SYAP1: variants seen among roughly 807,000 people sequenced by gnomAD.
SYAP1 encodes the protein synapse-associated protein 1.
SYAP1 carries 3 observed loss-of-function variants against 29.6 expected under a neutral mutation model. That is an observed-to-expected ratio of 0.10 (90% CI 0.05 to 0.26). The LOEUF (loss-of-function observed/expected upper bound fraction) is 0.26. Ranked by LOEUF, SYAP1 falls within the 10% of genes least tolerant of loss-of-function variation. The probability of loss-of-function intolerance (pLI) is 1.00; values close to 1 mark genes in which losing one functional copy is unlikely to be tolerated. For synonymous variants in SYAP1, 102 were observed against 102.7 expected, an observed-to-expected ratio of 0.99 and a Z score of 0.04; for missense variants, 217 against 264.1, an observed-to-expected ratio of 0.82 and a Z score of 1.24.
intron 4 of SYAP1, among the ~76,000 whole-genome samples, chrX:16,742,587 C>T (rs917063513): frequency 3.6e-5 from 4 of 111,546 alleles, no homozygotes; most frequent in Non-Finnish European, 7.5e-5. Context: ...CATGCGCTGC[C>T]AAAATTTTTA....
chrX:16,743,659 A>T, intron 4 of SYAP1, 42 bp from the exon 5 acceptor site: 2 of 1,172,568 alleles, frequency 1.7e-6, no homozygotes, highest in Admixed American at 2.4e-5. Context: ...TATTAATCGC[A>T]TTTTGTGGAA....
intron 1 of SYAP1, among the ~76,000 whole-genome samples, chrX:16,727,281 T>TA (rs60144245): frequency 0.36 from 32,807 of 90,368 alleles, 4,890 homozygotes; most frequent in East Asian, 0.57. Context: ...TTTTAAAAAT[T>TA]AAAAAAAAAA....
At chrX:16,741,351 C>T (rs191883935) in intron 3 of SYAP1, among the ~76,000 whole-genome samples, 2 of 110,778 alleles carry the variant, frequency 1.8e-5, no homozygotes, top group East Asian at 2.8e-4. Flanking sequence ...GCACGCACAA[C>T]GTCTGGCTAA....
In SYAP1 at chrX:16,762,315, AAG is replaced by A. The variant is rs1310480956; in HGVS notation, c.*1960_*1961del. On this transcript the variant is annotated 3_prime_UTR_variant, in exon 9 of 9. Coordinates refer to ENST00000380155, the MANE Select transcript of SYAP1 (RefSeq NM_032796.4). ...AACACACACAAAAAAGTATCAGAGA[AAG>A]AGAAAAACCCTACAATGGCAATAGA... 8.9e-6 allele frequency: 1 copy of A among 111,833 alleles called. No homozygotes were observed. The allele number at this position is 111,833 out of a possible 1,213,427, so 9.2% of individuals were successfully genotyped here.
chrX:16,754,597 G>A (rs947242084), intron 5 of SYAP1, among the ~76,000 whole-genome samples: 4 of 110,436 alleles, frequency 3.6e-5, no homozygotes, highest in South Asian at 3.8e-4. Context: ...GCATGGTGGC[G>A]GGCACCTATA....
chrX:16,742,663 A>G (rs188407224), intron 4 of SYAP1, among the ~76,000 whole-genome samples: 2 of 112,387 alleles, frequency 1.8e-5, no homozygotes, highest in Admixed American at 1.9e-4. Context: ...GTCATCCAGG[A>G]TAGAGTACAG....
chrX:16,758,700 G>A (rs1266176784), intron 8 of SYAP1, among the ~76,000 whole-genome samples: 1 of 110,289 alleles, frequency 9.1e-6, no homozygotes, highest in East Asian at 2.9e-4. Flanking sequence ...CCCAAGGGCA[G>A]TTACACATTG....
intron 3 of SYAP1, among the ~76,000 whole-genome samples, chrX:16,739,461 A>C (rs1299151211): frequency 1.9e-5 from 2 of 103,755 alleles, no homozygotes; most frequent in Non-Finnish European, 3.9e-5. Context: ...TTGGTTTTCA[A>C]ATCACTCTCT....
At position 16,762,246 on chromosome X, in the gene SYAP1, C is replaced by T. The variant is rs1358689610; in HGVS notation, c.*1887C>T. The T allele has an allele frequency of 1.8e-5, 2 of 111,544 alleles. No homozygotes were observed. Among genetic ancestry groups the T allele is most frequent in the Non-Finnish European group, 3.8e-5 (2 of 53,179 alleles). The allele number at this position is 111,544 out of a possible 1,213,427, so 9.2% of individuals were successfully genotyped here. Reference sequence around the variant, plus strand: ...CATATCAGGATGTGTCGGTGCTTGGCTCTTAGTGAATGCACTAAAATTCTT... The same window carrying T: ...CATATCAGGATGTGTCGGTGCTTGGTTCTTAGTGAATGCACTAAAATTCTT... On this transcript the variant is annotated 3_prime_UTR_variant, in exon 9 of 9. Transcript: ENST00000380155.
intron 5 of SYAP1, among the ~76,000 whole-genome samples, chrX:16,750,236 T>C (rs1288670840): frequency 8.9e-6 from 1 of 112,011 alleles, no homozygotes; most frequent in African/African-American, 3.2e-5. Context: ...GAAGATTTCA[T>C]GAGCTCTTTT....
intron 8 of SYAP1, among the ~76,000 whole-genome samples, chrX:16,757,967 A>T (rs1926889756): frequency 9.0e-6 from 1 of 110,995 alleles, no homozygotes; most frequent in South Asian, 3.8e-4. Context: ...GACTGTAGAC[A>T]TGTACATGGA....
Position 16,755,103 on chromosome X carries a change from G to A in SYAP1, c.724+10G>A. The A allele has an allele frequency of 1.7e-6, 2 of 1,210,136 alleles. No homozygotes were observed. Among genetic ancestry groups the A allele is most frequent in the South Asian group, 3.5e-5 (2 of 56,935 alleles). On this transcript the variant is annotated intron_variant, in intron 6 of 8. Transcript: ENST00000380155. The stretch of plus-strand genomic sequence containing the variant: ...GATTTGCCGCTGGCAGGTATATTCT[G>A]GGTAGAAGACAGCACTCTACAGAAA...
intron 1 of SYAP1, 124 bp downstream of exon 1, chrX:16,720,023 A>C: frequency 1.4e-6 from 1 of 706,404 alleles, no homozygotes. Flanking sequence ...GGGGAGGAAG[A>C]TGTGTCTGTC....
chrX:16,742,306 C>T (rs1312721100), intron 4 of SYAP1, among the ~76,000 whole-genome samples: 1 of 109,761 alleles, frequency 9.1e-6, no homozygotes, highest in Admixed American at 9.9e-5. Context: ...TGCCCGCCAC[C>T]ACGCCCTGCT....
rs1437687359 is a variant in SYAP1, at chrX:16,762,622, A to G, written c.*2263A>G. 2 of 112,003 alleles carry G rather than the reference A, an allele frequency of 1.8e-5. No individual in the cohort carries two copies. The highest frequency in any genetic ancestry group is 5.6e-4 in the East Asian group (2 of 3,578). The allele number at this position is 112,003 out of a possible 1,213,427, so 9.2% of individuals were successfully genotyped here. On this transcript the variant is annotated 3_prime_UTR_variant, in exon 9 of 9. Coordinates refer to ENST00000380155, the MANE Select transcript of SYAP1 (RefSeq NM_032796.4). ...TTATTACATGCCTAGGGGTTAGCCA[A>G]CAAGATATACCAAGCATGAAAACCT...
chrX:16,753,753 A>T (rs1329316678), intron 5 of SYAP1, among the ~76,000 whole-genome samples: 2 of 111,258 alleles, frequency 1.8e-5, no homozygotes, highest in Non-Finnish European at 3.8e-5. Context: ...TCATGGTGCT[A>T]CCTCATGACG....
At chrX:16,756,175 T>C (rs1354039303) in intron 6 of SYAP1, among the ~76,000 whole-genome samples, 1 of 112,394 alleles carries the variant, frequency 8.9e-6, no homozygotes, top group Admixed American at 9.5e-5. Context: ...GACTGCCTTT[T>C]TCTAGCACTC....
intron 1 of SYAP1, among the ~76,000 whole-genome samples, chrX:16,721,310 C>T (rs1369395656): frequency 9.1e-6 from 1 of 109,946 alleles, no homozygotes. Flanking sequence ...TGGCTCACTG[C>T]AACCTCCACC....
At chrX:16,749,570 G>C (rs1037317460) in intron 5 of SYAP1, among the ~76,000 whole-genome samples, 1 of 111,268 alleles carries the variant, frequency 9.0e-6, no homozygotes, top group Non-Finnish European at 1.9e-5. Flanking sequence ...TCTACCATAG[G>C]TACCTAGAAT....
Sources: gnomAD v4.1 joint callset for allele counts (sites outside exome capture counted in the v4.1 genomes callset) on GRCh38, gnomAD v4.1.1 for gene constraint, MANE v1.5 for transcripts, NCBI Gene and HGNC (gene_info 2026-07-23, HGNC 2026-07-21) for gene names.